TACC2: variants seen among roughly 807,000 people sequenced by gnomAD.
TACC2 encodes transforming acidic coiled-coil-containing protein 2.
Under a neutral mutation model 227.3 loss-of-function variants are expected in TACC2, and 137 were observed. The ratio of observed to expected loss-of-function variants is 0.60; its 90% CI spans 0.52 to 0.69. The LOEUF is 0.69. Among genes scored for constraint, TACC2 ranks in the 30% least tolerant of loss-of-function variants. TACC2 has a pLI of 0.00. For missense variants in TACC2, 3,470 were observed against 3,694.4 expected, an observed-to-expected ratio of 0.94 and a Z score of 1.57; for synonymous variants, 1,523 against 1,487.5, an observed-to-expected ratio of 1.02 and a Z score of -0.55.
At chr10:122,024,535 T>G (rs1304073487) in intron 2 of TACC2, among the ~76,000 whole-genome samples, 1 of 152,176 alleles carries the variant, frequency 6.6e-6, no homozygotes, top group Non-Finnish European at 1.5e-5. Context: ...TGCCCTTCTG[T>G]AGCCACACCC....
intron 5 of TACC2, among the ~76,000 whole-genome samples, chr10:122,099,156 G>A (rs1211557098): frequency 2.0e-5 from 3 of 152,208 alleles, no homozygotes; most frequent in African/African-American, 7.2e-5. Context: ...AGGGCAGGGT[G>A]AAAAGTCATC....
chr10:122,088,463 C>T lies in TACC2; in HGVS notation c.5460-15C>T, dbSNP rs779463551. ...TCTACATTATCCTATTAATTGCTTTCTTTTATTATCCCAGAGAGAGCCCCA... is the reference window on the plus strand; with the variant it reads ...TCTACATTATCCTATTAATTGCTTTTTTTTATTATCCCAGAGAGAGCCCCA... On this transcript the variant is annotated splice_polypyrimidine_tract_variant and intron_variant, in intron 4 of 22. Transcript: ENST00000369005. 54 of 1,600,018 alleles carry T rather than the reference C, an allele frequency of 3.4e-5. No homozygotes were observed. The Admixed American group carries it at 8.8e-4, about 26-fold the overall frequency.
chr10:122,136,926 G>A (rs2089787017), intron 6 of TACC2, among the ~76,000 whole-genome samples: 1 of 152,086 alleles, frequency 6.6e-6, no homozygotes, highest in African/African-American at 2.4e-5. Flanking sequence ...CCAGCTGAGA[G>A]AAAAACAGAG....
intron 7 of TACC2, chr10:122,192,379 C>T (rs1379841584): frequency 7.2e-6 from 2 of 276,348 alleles, no homozygotes; most frequent in Non-Finnish European, 1.4e-5. Context: ...GGCATCCGGC[C>T]CTCCCTGTTG....
chr10:122,143,189 C>T (rs538867741), intron 6 of TACC2, among the ~76,000 whole-genome samples: 2 of 152,306 alleles, frequency 1.3e-5, no homozygotes, highest in Admixed American at 1.3e-4. Flanking sequence ...TTTTAGTTCT[C>T]ACCTTGTAGA....
intron 16 of TACC2, among the ~76,000 whole-genome samples, chr10:122,236,842 CA>C (rs535344332): frequency 1.2e-3 from 190 of 152,334 alleles, no homozygotes; most frequent in African/African-American, 4.4e-3. Flanking sequence ...TCTACCTAGC[CA>C]AAGGTGATAT....
chr10:122,140,080 G>A (rs918121643), intron 6 of TACC2, among the ~76,000 whole-genome samples: 15 of 152,222 alleles, frequency 9.9e-5, no homozygotes, highest in Admixed American at 2.6e-4. Flanking sequence ...CCCTGGAGCT[G>A]TGTGTGTGGC....
chr10:122,147,576 T>C (rs1342033083), intron 7 of TACC2, among the ~76,000 whole-genome samples: 3 of 152,248 alleles, frequency 2.0e-5, no homozygotes, highest in African/African-American at 7.2e-5. Flanking sequence ...TTAGAGTTTT[T>C]CTGCACAGGA....
intron 5 of TACC2, among the ~76,000 whole-genome samples, chr10:122,102,061 C>T (rs375863388): frequency 3.3e-5 from 5 of 152,006 alleles, no homozygotes; most frequent in Non-Finnish European, 4.4e-5. Flanking sequence ...CAGACCTAGA[C>T]GGTATTGCCT....
At chr10:122,216,080 AC>A (rs531317618) in intron 10 of TACC2, among the ~76,000 whole-genome samples, 111 of 152,094 alleles carry the variant, frequency 7.3e-4, no homozygotes, top group African/African-American at 2.5e-3. Flanking sequence ...CAGCCTGCAG[AC>A]CCTGGCCAGA....
At chr10:122,003,949 C>T (rs2135147283) in intron 1 of TACC2, among the ~76,000 whole-genome samples, 1 of 152,172 alleles carries the variant, frequency 6.6e-6, no homozygotes, top group East Asian at 2.0e-4. Context: ...AGCTACTGCG[C>T]CCAGCCCTAA....
intron 8 of TACC2, among the ~76,000 whole-genome samples, chr10:122,201,133 C>G (rs2094820099): frequency 6.7e-6 from 1 of 148,622 alleles, no homozygotes; most frequent in African/African-American, 2.5e-5. Context: ...ACCTCACCTG[C>G]CCACAGTGGC....
chr10:122,207,664 T>C (rs2095166775), intron 8 of TACC2, among the ~76,000 whole-genome samples: 2 of 152,230 alleles, frequency 1.3e-5, no homozygotes, highest in South Asian at 4.1e-4. Flanking sequence ...TCCTGGTTCA[T>C]GATGAGCTAA....
Position 122,107,878 on chromosome 10 carries a change from A to ATT in TACC2, c.5573+19288_5573+19289insTT, listed in dbSNP as rs1204393563. On this transcript the variant is annotated intron_variant, in intron 5 of 22. Transcript: ENST00000369005. ...CAAAGTCCATTATATATATATATAT[A>ATT]TATTTTTTTTTTCTTTTTTCTTTTT... Among the ~76,000 whole-genome samples the ATT allele has an allele frequency of 7.9e-3, 702 of 88,386 alleles. 2 individuals carry two copies. The highest frequency in any genetic ancestry group is 0.011 in the Non-Finnish European group (524 of 47,678). 58.0% of individuals were successfully genotyped at this position (88,386 alleles called of 152,430 possible).
At chr10:122,024,636 G>A (rs66636510) in intron 2 of TACC2, among the ~76,000 whole-genome samples, 12,918 of 152,030 alleles carry the variant, frequency 0.085, 647 homozygotes, top group South Asian at 0.18. Context: ...TTTCAAGAAC[G>A]TTATATAAAT....
At chr10:122,031,706 C>A (rs1257263667) in intron 2 of TACC2, among the ~76,000 whole-genome samples, 2 of 143,942 alleles carry the variant, frequency 1.4e-5, no homozygotes, top group Non-Finnish European at 3.0e-5. Flanking sequence ...CCTGGCCCAG[C>A]CTCCTTTTTC....
chr10:122,167,967 G>C (rs1472510581), intron 7 of TACC2, among the ~76,000 whole-genome samples: 1 of 151,346 alleles, frequency 6.6e-6, no homozygotes, highest in African/African-American at 2.4e-5. Context: ...GCTCACTGCA[G>C]CCTCCACCTT....
rs752923829 is a variant in TACC2 at position 122,210,650 on chromosome 10, C to T, written c.6225C>T (p.Ser2075=). The change falls in exon 9 of 23, where the codon TCC becomes TCT. Residue 2075 remains serine, a synonymous_variant. Transcript: ENST00000369005. The surrounding 1 kb of genome is among the most constrained non-coding windows in gnomAD (Gnocchi z 4.6). ...KVNTRRKSTD[S]VPISKSTLSR... is the part of the protein sequence containing the mutation. ...ACACACGGAGGAAGTCCACGGATTC[C>T]GTCCCCATCTCTAAGTCTACACTGT... 24 of 1,613,906 alleles carry T rather than the reference C, an allele frequency of 1.5e-5. No individual in the cohort carries two copies. Among genetic ancestry groups the T allele is most frequent in the East Asian group, 8.9e-5 (4 of 44,866 alleles).
At position 122,021,966 on chromosome 10, in the gene TACC2, G is replaced by A. The variant is rs774802156; in HGVS notation, c.-16G>A. Reference sequence around the variant, plus strand: ...CTCTGACAAAATTCTGGGGACGCTGGGAACACTGAATCAACATGGGCAATG... The same window carrying A: ...CTCTGACAAAATTCTGGGGACGCTGAGAACACTGAATCAACATGGGCAATG... On this transcript the variant is annotated 5_prime_UTR_variant, in exon 2 of 23. Transcript: ENST00000369005. The A allele has an allele frequency of 6.2e-7, 1 of 1,613,876 alleles. No individual in the cohort carries two copies.
Sources: gnomAD v4.1 joint callset for allele counts (sites outside exome capture counted in the v4.1 genomes callset) on GRCh38, gnomAD v4.1.1 for gene constraint, Gnocchi (gnomAD v3.1) non-coding constraint, MANE v1.5 for transcripts, NCBI Gene and HGNC (gene_info 2026-07-23, HGNC 2026-07-21) for gene names.